RYR2: variants seen among roughly 807,000 people sequenced by gnomAD.
RYR2 encodes the protein ryanodine receptor 2.
Under a neutral mutation model 601.1 loss-of-function variants are expected in RYR2, and 227 were observed. That is an observed-to-expected ratio of 0.38 (90% CI 0.34 to 0.42). The LOEUF (loss-of-function observed/expected upper bound fraction) is 0.42, where lower values mean the gene tolerates loss of function less well. RYR2 is among the 10% of genes least tolerant of loss of function. The pLI is 1.00. For missense variants in RYR2, 4,646 were observed against 6,156.5 expected, an observed-to-expected ratio of 0.75 and a Z score of 8.21; for synonymous variants, 2,223 against 2,175.1, an observed-to-expected ratio of 1.02 and a Z score of -0.61.
chr1:237,429,762 G>A (rs1413148705), intron 12 of RYR2, among the ~76,000 whole-genome samples: 1 of 152,094 alleles, frequency 6.6e-6, no homozygotes, highest in African/African-American at 2.4e-5. Flanking sequence ...CCTTTCATCT[G>A]TTGATCTATG....
intron 63 of RYR2, among the ~76,000 whole-genome samples, chr1:237,688,820 CT>C (rs1173885389): frequency 6.6e-6 from 1 of 152,140 alleles, no homozygotes; most frequent in Non-Finnish European, 1.5e-5. Flanking sequence ...ATCAGCTGCC[CT>C]TTTGCGGTCT....
Position 237,783,763 on chromosome 1 carries a change from T to C in RYR2, c.12051T>C (p.Phe4017=). 1.2e-6 allele frequency: 2 copies of C among 1,613,002 alleles called. No homozygotes were observed. Among genetic ancestry groups the C allele is most frequent in the Non-Finnish European group, 1.7e-6 (2 of 1,179,452 alleles). ...ACGTGGAGATGATTCTCAAATTTTT[T>C]GACATGTTCTTAAAACTAAAGGATT... ...SNNVEMILKF[F]DMFLKLKDLT... Residue 4017 remains phenylalanine, a synonymous_variant, in exon 90 of 105, where the codon TTT becomes TTC. Transcript: ENST00000366574.
chr1:237,412,282 A>G (rs955668645), intron 10 of RYR2, among the ~76,000 whole-genome samples: 2 of 152,302 alleles, frequency 1.3e-5, no homozygotes, highest in East Asian at 3.9e-4. Flanking sequence ...AAGAATTTGT[A>G]CTTAGAATAA....
chr1:237,762,143 G>C (rs952625524), intron 84 of RYR2, among the ~76,000 whole-genome samples: 16 of 152,276 alleles, frequency 1.1e-4, no homozygotes, highest in African/African-American at 3.8e-4. Context: ...ACAAAAATAA[G>C]TCATATGGTT....
At chr1:237,127,624 CAGACGGGGCGGCT>C (rs1203312705) in intron 1 of RYR2, among the ~76,000 whole-genome samples, 6 of 151,740 alleles carry the variant, frequency 4.0e-5, no homozygotes, top group Non-Finnish European at 7.4e-5. Context: ...CCTCACTTCC[CAGACGGGGCGGCT>C]GCCGGGCGGA....
intron 10 of RYR2, among the ~76,000 whole-genome samples, chr1:237,402,203 G>C (rs373784636): frequency 2.6e-5 from 4 of 151,024 alleles, no homozygotes; most frequent in East Asian, 2.0e-4. Context: ...AGACCTGCCT[G>C]GGCAACATAA....
At chr1:237,670,154 C>A (rs1028722190) in intron 58 of RYR2, among the ~76,000 whole-genome samples, 1 of 151,706 alleles carries the variant, frequency 6.6e-6, no homozygotes, top group Non-Finnish European at 1.5e-5. Context: ...TCAGGCGTGG[C>A]GGCGCGCGCC....
Position 237,525,954 on chromosome 1 carries a change from T to C in RYR2, c.2823-4473T>C, listed in dbSNP as rs146579907. Among the ~76,000 whole-genome samples, 758 of 147,668 alleles carry C rather than the reference T, an allele frequency of 5.1e-3. 6 individuals carry two copies. The highest frequency in any genetic ancestry group is 0.018 in the African/African-American group (724 of 40,400). ...GAGATTGCACCATTGCACTCCAGCC[T>C]GGGTGACAAGAGCAAAACTCCTCAA... is the stretch of plus-strand genomic sequence containing the variant. On this transcript the variant is annotated intron_variant, in intron 24 of 104. Transcript: ENST00000366574.
chr1:237,418,445 T>G (rs1705232234), intron 11 of RYR2, among the ~76,000 whole-genome samples: 1 of 152,194 alleles, frequency 6.6e-6, no homozygotes, highest in Non-Finnish European at 1.5e-5. Context: ...CTGTGTCCCA[T>G]GCAATGATTT....
chr1:237,166,548 T>G (rs1265811059), intron 1 of RYR2, among the ~76,000 whole-genome samples: 2 of 152,226 alleles, frequency 1.3e-5, no homozygotes, highest in East Asian at 3.8e-4. Context: ...GGCCATATAT[T>G]TTAAAATGCA....
intron 25 of RYR2, among the ~76,000 whole-genome samples, chr1:237,535,683 G>C (rs1423441241): frequency 1.3e-5 from 2 of 152,136 alleles, no homozygotes; most frequent in Admixed American, 1.3e-4. Context: ...GAGCATAGAT[G>C]CAAAAATGCT....
chr1:237,218,665 TG>T (rs1683449413), intron 1 of RYR2, among the ~76,000 whole-genome samples: 1 of 152,134 alleles, frequency 6.6e-6, no homozygotes, highest in South Asian at 2.1e-4. Context: ...AGTCAAATGC[TG>T]GGGTATGGGG....
chr1:237,824,978 A>G (rs377331638), intron 101 of RYR2, among the ~76,000 whole-genome samples: 10 of 152,356 alleles, frequency 6.6e-5, no homozygotes, highest in Middle Eastern at 3.4e-3. Context: ...GACCTCTTCA[A>G]GGAGAACTAC....
chr1:237,253,717 T>G (rs539963991), intron 1 of RYR2, among the ~76,000 whole-genome samples: 1 of 152,322 alleles, frequency 6.6e-6, no homozygotes, highest in East Asian at 1.9e-4. Context: ...TCAGGTATAG[T>G]TTGCTGGTTC....
intron 1 of RYR2, among the ~76,000 whole-genome samples, chr1:237,071,180 T>C (rs962494294): frequency 2.0e-5 from 3 of 151,994 alleles, no homozygotes; most frequent in Non-Finnish European, 4.4e-5. Flanking sequence ...CGCAGGCAGG[T>C]CTTCCTGACG....
At chr1:237,055,517 G>A (rs1235992309) in intron 1 of RYR2, among the ~76,000 whole-genome samples, 2 of 152,032 alleles carry the variant, frequency 1.3e-5, no homozygotes, top group African/African-American at 2.4e-5. Flanking sequence ...AGAAAGGAGC[G>A]GGAGCTTTAG....
rs113422365 is a variant in RYR2 at position 237,548,578 on chromosome 1, T to C, written c.3054T>C (p.Tyr1018=). ...ARDRIRQGWT[Y]GIQQDVKNRR... is the part of the protein sequence containing the mutation. Reference sequence around the variant, plus strand: ...ATCGAATCCGGCAGGGCTGGACTTATGGCATCCAACAGGTACATGGGAATT... The same window carrying C: ...ATCGAATCCGGCAGGGCTGGACTTACGGCATCCAACAGGTACATGGGAATT... Residue 1018 remains tyrosine, a synonymous_variant, in exon 26 of 105, where the codon TAT becomes TAC. Transcript: ENST00000366574. 274 of 1,613,906 alleles carry C rather than the reference T, an allele frequency of 1.7e-4. 5 individuals carry two copies. The African/African-American group carries it at 2.4e-3, about 14-fold the overall frequency.
chr1:237,454,152 C>A (rs1658517969), intron 14 of RYR2, among the ~76,000 whole-genome samples: 2 of 152,080 alleles, frequency 1.3e-5, no homozygotes, highest in African/African-American at 4.8e-5. Flanking sequence ...TTCCTGTAGC[C>A]TATGAGGTTA....
intron 96 of RYR2, 68 bp from the exon 97 acceptor site, chr1:237,797,969 T>C: frequency 7.3e-7 from 1 of 1,364,112 alleles, no homozygotes; most frequent in Non-Finnish European, 1.0e-6. Flanking sequence ...TTAGATGTTT[T>C]ATACACACAT....
Sources: gnomAD v4.1 joint callset for allele counts (sites outside exome capture counted in the v4.1 genomes callset) on GRCh38, gnomAD v4.1.1 for gene constraint, MANE v1.5 for transcripts, NCBI Gene and HGNC (gene_info 2026-07-23, HGNC 2026-07-21) for gene names.